The following SEPTIN9 variants were observed in gnomAD, a reference collection of about 807,000 sequenced individuals.
The protein encoded by SEPTIN9 is septin-9.
SEPTIN9 carries 13 observed loss-of-function variants against 56.6 expected under a neutral mutation model. That is an observed-to-expected ratio of 0.23 (90% CI 0.15 to 0.37). The LOEUF (loss-of-function observed/expected upper bound fraction) is 0.37. Ranked by LOEUF, SEPTIN9 falls within the 10% of genes least tolerant of loss-of-function variation. The pLI is 1.00. For missense variants in SEPTIN9, 650 were observed against 823.1 expected (o/e 0.79, Z 2.57); for synonymous variants, 332 against 334.1 (o/e 0.99, Z 0.07).
chr17:77,487,385 C>G lies in SEPTIN9; in HGVS notation c.914-39C>G. The G allele has an allele frequency of 6.4e-7, 1 of 1,569,020 alleles. No individual in the cohort carries two copies. The highest frequency in any genetic ancestry group is 8.6e-7 in the Non-Finnish European group (1 of 1,158,248). ...CCATGTGCAGACCCTGCTGGTCTCT[C>G]CGGAGAGACCCCTGACCGGCCTCCC... On this transcript the variant is annotated intron_variant, in intron 4 of 11. Transcript: ENST00000427177. The surrounding 1 kb of genome is among the most constrained non-coding windows in gnomAD (Gnocchi z 4.3).
At chr17:77,489,166 GCT>G (rs1341492212) in intron 7 of SEPTIN9, among the ~76,000 whole-genome samples, 2 of 152,216 alleles carry the variant, frequency 1.3e-5, no homozygotes, top group Non-Finnish European at 2.9e-5. Context: ...CTCAGGCCAG[GCT>G]CTGGCAGGTG....
intron 2 of SEPTIN9, chr17:77,373,631 G>C: frequency 6.6e-7 from 1 of 1,511,722 alleles, no homozygotes; most frequent in Non-Finnish European, 8.9e-7. Context: ...GGACGGGGGT[G>C]CGCTGAGGGG....
intron 1 of SEPTIN9, chr17:77,294,943 G>A (rs1003694339): frequency 2.0e-5 from 3 of 152,164 alleles, no homozygotes; most frequent in Admixed American, 6.5e-5. Context: ...TTTCCACACC[G>A]GGATAGCGAG....
intron 1 of SEPTIN9, among the ~76,000 whole-genome samples, chr17:77,290,385 A>T (rs929399377): frequency 6.7e-6 from 1 of 150,148 alleles, no homozygotes; most frequent in South Asian, 2.1e-4. Flanking sequence ...AGCATCCCGC[A>T]TAGCTGGGAC....
chr17:77,354,093 C>T (rs35553148), intron 2 of SEPTIN9, among the ~76,000 whole-genome samples: 31,858 of 152,074 alleles, frequency 0.21, 3,726 homozygotes, highest in South Asian at 0.33. Context: ...TTGATGCTCA[C>T]GGTGTACCAA....
intron 2 of SEPTIN9, 88 bp downstream of exon 2, chr17:77,307,285 C>T: frequency 1.6e-6 from 2 of 1,230,152 alleles, no homozygotes; most frequent in Non-Finnish European, 2.4e-6. Context: ...ACCTGCCTCC[C>T]CACCTGGCTT....
intron 2 of SEPTIN9, among the ~76,000 whole-genome samples, chr17:77,312,994 G>A (rs1338517170): frequency 6.6e-6 from 1 of 152,158 alleles, no homozygotes; most frequent in Non-Finnish European, 1.5e-5. Flanking sequence ...CTATGGGGGG[G>A]CGCTGGTTTA....
In SEPTIN9 at chr17:77,451,899, A is replaced by G. The variant is rs922466276; in HGVS notation, c.722-30245A>G. ...TCCCTGGCTTCCAGGAGGGCCAGGA[A>G]GAAATTCGAATTGGCCACCGCTTTC... is the stretch of plus-strand genomic sequence containing the variant. On this transcript the variant is annotated intron_variant, in intron 3 of 11. Transcript: ENST00000427177. The surrounding 1 kb of genome is among the most constrained non-coding windows in gnomAD (Gnocchi z 4.2). Among the ~76,000 whole-genome samples, 7 of 152,204 alleles carry G rather than the reference A, an allele frequency of 4.6e-5. No individual in the cohort carries two copies. The highest frequency in any genetic ancestry group is 1.7e-4 in the African/African-American group (7 of 41,442).
At chr17:77,291,196 T>G (rs904358721) in intron 1 of SEPTIN9, among the ~76,000 whole-genome samples, 131 of 151,480 alleles carry the variant, frequency 8.6e-4, no homozygotes, top group African/African-American at 3.1e-3. Context: ...CCGCCACACC[T>G]GGCTAATTTT....
intron 1 of SEPTIN9, among the ~76,000 whole-genome samples, chr17:77,291,199 C>G (rs1297846270): frequency 4.6e-5 from 7 of 151,426 alleles, no homozygotes; most frequent in African/African-American, 1.5e-4. Context: ...CCACACCTGG[C>G]TAATTTTTGT....
chr17:77,497,130 A>G, intron 10 of SEPTIN9, 185 bp from the exon 11 acceptor site: 2 of 674,664 alleles, frequency 3.0e-6, no homozygotes, highest in Non-Finnish European at 5.5e-6. Flanking sequence ...TATCCCCCAG[A>G]CTGAGGGCAG....
intron 3 of SEPTIN9, among the ~76,000 whole-genome samples, chr17:77,467,932 C>CA (rs1302825089): frequency 6.6e-6 from 1 of 152,158 alleles, no homozygotes; most frequent in Non-Finnish European, 1.5e-5. Context: ...GTGAATGCGA[C>CA]AGACCCCAGA....
intron 2 of SEPTIN9, among the ~76,000 whole-genome samples, chr17:77,346,966 C>T (rs771875278): frequency 6.6e-6 from 1 of 152,178 alleles, no homozygotes; most frequent in Non-Finnish European, 1.5e-5. Context: ...AGACACTGAG[C>T]ACCCTGATTT....
At chr17:77,335,249 T>C (rs985994635) in intron 2 of SEPTIN9, among the ~76,000 whole-genome samples, 2 of 151,336 alleles carry the variant, frequency 1.3e-5, no homozygotes, top group Non-Finnish European at 3.0e-5. Flanking sequence ...TATGTACATA[T>C]ATACATATAG....
Position 77,319,755 on chromosome 17 carries a change from C to A in SEPTIN9, c.76+12558C>A. ...TAAGCCCAAGGAAATCGTAGCATCG[C>A]GGGACAGGGAAAATGAAAGACTTTG... On this transcript the variant is annotated intron_variant, in intron 2 of 11. Coordinates refer to ENST00000427177, the MANE Select transcript of SEPTIN9 (RefSeq NM_001113491.2). This position sits in a 1 kb window ranked among gnomAD's most constrained non-coding sequence, Gnocchi z 5.3. The A allele has an allele frequency of 9.3e-7, 1 of 1,071,394 alleles. No homozygotes were observed. Among genetic ancestry groups the A allele is most frequent in the East Asian group, 4.9e-5 (1 of 20,240 alleles). 66.4% of individuals were successfully genotyped at this position (1,071,394 alleles called of 1,614,324 possible). A position where few individuals can be genotyped will look rare whatever the true frequency, so the allele number is the denominator to read the frequency against.
chr17:77,493,527 T>G (rs1468664781), intron 10 of SEPTIN9, among the ~76,000 whole-genome samples: 3 of 152,114 alleles, frequency 2.0e-5, no homozygotes, highest in Non-Finnish European at 4.4e-5. Context: ...TGTAACCAAT[T>G]AGCACAAACG....
rs535910497 is a variant in SEPTIN9 at position 77,475,194 on chromosome 17, C to A, written c.722-6950C>A. The A allele has an allele frequency of 3.3e-6, 4 of 1,205,762 alleles. No homozygotes were observed. The African/African-American group carries it at 6.1e-5, about 18-fold the overall frequency. The allele number at this position is 1,205,762 out of a possible 1,614,324, so 74.7% of individuals were successfully genotyped here. A position where few individuals can be genotyped will look rare whatever the true frequency, so the allele number is the denominator to read the frequency against. On this transcript the variant is annotated intron_variant, in intron 3 of 11. Coordinates refer to ENST00000427177, the MANE Select transcript of SEPTIN9 (RefSeq NM_001113491.2). The surrounding 1 kb of genome is among the most constrained non-coding windows in gnomAD (Gnocchi z 4.6). The stretch of plus-strand genomic sequence containing the variant: ...TGGATGAGGTGTCTGGCTTCACAAA[C>A]CCTGTGTGGGGGGGTTGTGGTGAGA...
At position 77,445,236 on chromosome 17, in the gene SEPTIN9, A is replaced by G. The variant is rs1209045417; in HGVS notation, c.722-36908A>G. 5 of 470,784 alleles carry G rather than the reference A, an allele frequency of 1.1e-5. No homozygotes were observed. The highest frequency in any genetic ancestry group is 2.0e-5 in the African/African-American group (1 of 50,184). The allele number at this position is 470,784 out of a possible 1,614,324, so 29.2% of individuals were successfully genotyped here. On this transcript the variant is annotated intron_variant, in intron 3 of 11. Transcript: ENST00000427177. This position sits in a 1 kb window ranked among gnomAD's most constrained non-coding sequence, Gnocchi z 4.7. ...GCTGCCTCGGGGCGTCACAGCTACA[A>G]ATGCATACCAGCCCTCAGAACCACA...
intron 2 of SEPTIN9, among the ~76,000 whole-genome samples, chr17:77,348,011 A>C (rs1193905056): frequency 1.3e-5 from 2 of 152,164 alleles, no homozygotes; most frequent in African/African-American, 4.8e-5. Context: ...ATCATCATTC[A>C]AGCAGCATCA....
Sources: allele counts gnomAD v4.1 joint callset (sites outside exome capture counted in the v4.1 genomes callset), GRCh38; gene constraint gnomAD v4.1.1; non-coding constraint Gnocchi (gnomAD v3.1); transcripts MANE v1.5; gene names NCBI Gene and HGNC (gene_info 2026-07-23, HGNC 2026-07-21).